Variants in BICD1 observed in about 807,000 individuals in gnomAD.
BICD1 encodes the protein BICD cargo adaptor 1.
A neutral mutation model predicts 92.5 loss-of-function variants in BICD1; 35 were observed. That is an observed-to-expected ratio of 0.38 (90% CI 0.29 to 0.50). The LOEUF (loss-of-function observed/expected upper bound fraction) is 0.50, where lower values mean the gene tolerates loss of function less well. BICD1 is among the 20% of genes least tolerant of loss of function. The pLI is 0.93. For synonymous variants in BICD1, 429 were observed against 465.1 expected (o/e 0.92, Z 1.00); for missense variants, 950 against 1,189.8 (o/e 0.80, Z 2.97).
chr12:32,308,650 G>T (rs1948295089), intron 4 of BICD1, among the ~76,000 whole-genome samples: 1 of 152,180 alleles, frequency 6.6e-6, no homozygotes, highest in Admixed American at 6.6e-5. Flanking sequence ...GACTGATGTG[G>T]ATACTGGTAG....
chr12:32,373,058 C>CCTT (rs1939800423), intron 9 of BICD1, among the ~76,000 whole-genome samples: 1 of 152,030 alleles, frequency 6.6e-6, no homozygotes, highest in African/African-American at 2.4e-5. Flanking sequence ...TTAGCACTTC[C>CCTT]CTTCTATCAA....
intron 2 of BICD1, among the ~76,000 whole-genome samples, chr12:32,287,754 A>C (rs976981030): frequency 2.6e-5 from 4 of 152,038 alleles, no homozygotes; most frequent in Non-Finnish European, 4.4e-5. Flanking sequence ...AGCCAGGATG[A>C]TCTCGATCTC....
At chr12:32,349,807 A>T (rs1002436735) in intron 8 of BICD1, among the ~76,000 whole-genome samples, 1 of 152,196 alleles carries the variant, frequency 6.6e-6, no homozygotes, top group African/African-American at 2.4e-5. Flanking sequence ...GGCAGGAAGG[A>T]GTAGTGATGT....
chr12:32,191,123 A>G (rs1316430745), intron 1 of BICD1, among the ~76,000 whole-genome samples: 1 of 152,186 alleles, frequency 6.6e-6, no homozygotes, highest in Non-Finnish European at 1.5e-5. Context: ...ATAAAGGCCT[A>G]CATTCGGAAG....
chr12:32,184,004 C>T (rs559819884), intron 1 of BICD1, among the ~76,000 whole-genome samples: 2 of 152,298 alleles, frequency 1.3e-5, no homozygotes, highest in East Asian at 3.9e-4. Context: ...CTCAGTAAAC[C>T]TTGTCTCATT....
At chr12:32,199,436 G>A (rs1490483595) in intron 1 of BICD1, among the ~76,000 whole-genome samples, 2 of 152,098 alleles carry the variant, frequency 1.3e-5, no homozygotes, top group African/African-American at 4.8e-5. Flanking sequence ...AGACCAAACT[G>A]AGGGTTGGGC....
rs191220663 is a variant in BICD1 at position 32,331,027 on chromosome 12, G to A, written c.2100+2472G>A. 1.9e-3 allele frequency among the ~76,000 whole-genome samples: 290 copies of A among 152,180 alleles called. 2 individuals carry two copies. Among genetic ancestry groups the A allele is most frequent in the African/African-American group, 6.5e-3 (269 of 41,538 alleles). On this transcript the variant is annotated intron_variant, in intron 5 of 9. Coordinates refer to ENST00000652176, the MANE Select transcript of BICD1 (RefSeq NM_001714.4). The stretch of plus-strand genomic sequence containing the variant: ...CGGGTGCCTGTAATCCCAGCTACTC[G>A]GGAGGCTGAGGCAGGAGAATCACTT...
chr12:32,294,442 C>T (rs970435628), intron 3 of BICD1, among the ~76,000 whole-genome samples: 12 of 151,816 alleles, frequency 7.9e-5, no homozygotes, highest in Admixed American at 4.6e-4. Context: ...ACAAATTTAA[C>T]CTGACAACTT....
Position 32,337,484 on chromosome 12 carries a change from C to T in BICD1, c.2253-15C>T, listed in dbSNP as rs182637716. ...CCAAGATTTTCCTCTGACCACTTCT[C>T]TGTTTTGGTTCCAGATGTGATGAAT... On this transcript the variant is annotated splice_polypyrimidine_tract_variant and intron_variant, in intron 6 of 9. Transcript: ENST00000652176. This position sits in a 1 kb window ranked among gnomAD's most constrained non-coding sequence, Gnocchi z 4.7. The T allele has an allele frequency of 1.3e-6, 2 of 1,593,670 alleles. No individual in the cohort carries two copies. The highest frequency in any genetic ancestry group is 2.7e-5 in the African/African-American group (2 of 74,514).
chr12:32,332,487 T>C, intron 5 of BICD1: 1 of 967,140 alleles, frequency 1.0e-6, no homozygotes, highest in Non-Finnish European at 1.2e-6. Flanking sequence ...AGTAAATGCT[T>C]ATGAAGCACC....
Position 32,337,628 on chromosome 12 carries a change from GGAGGACTTA to G in BICD1, c.2386_2394del (p.Asp796_Glu798del), listed in dbSNP as rs1428019628. ...AAAAACTCGCCCTGACCCAGAGGCT[GGAGGACTTA>G]GAGTTTGACCATGAGCAGTCCCGAC... On this transcript the variant is annotated inframe_deletion, in exon 7 of 10. Coordinates refer to ENST00000652176, the MANE Select transcript of BICD1 (RefSeq NM_001714.4). The surrounding 1 kb of genome is among the most constrained non-coding windows in gnomAD (Gnocchi z 4.7). The G allele has an allele frequency of 2.5e-6, 4 of 1,614,048 alleles. No homozygotes were observed. Among genetic ancestry groups the G allele is most frequent in the Non-Finnish European group, 3.4e-6 (4 of 1,180,044 alleles).
At chr12:32,152,256 C>CT (rs34386503) in intron 1 of BICD1, among the ~76,000 whole-genome samples, 73,257 of 146,018 alleles carry the variant, frequency 0.5, 18,486 homozygotes, top group South Asian at 0.6. Context: ...TTTTTTTTAA[C>CT]TTTTTTTTTT....
intron 2 of BICD1, among the ~76,000 whole-genome samples, chr12:32,275,534 C>T (rs1179934233): frequency 1.3e-5 from 2 of 152,192 alleles, no homozygotes; most frequent in Admixed American, 1.3e-4. Context: ...GGGCAACCCC[C>T]TTTGGGTCCC....
intron 2 of BICD1, among the ~76,000 whole-genome samples, chr12:32,228,733 A>T (rs1945782433): frequency 6.6e-6 from 1 of 152,246 alleles, no homozygotes. Flanking sequence ...ATGAGAAAAG[A>T]ACTCTAGTCT....
intron 2 of BICD1, among the ~76,000 whole-genome samples, chr12:32,265,656 G>A (rs1039839190): frequency 2.0e-5 from 3 of 150,480 alleles, no homozygotes; most frequent in East Asian, 2.0e-4. Flanking sequence ...AAGAGTTCGC[G>A]GTTACAGTGA....
At chr12:32,256,085 C>T (rs1011221918) in intron 2 of BICD1, among the ~76,000 whole-genome samples, 1 of 152,034 alleles carries the variant, frequency 6.6e-6, no homozygotes, top group Non-Finnish European at 1.5e-5. Context: ...TAGGGTCTCA[C>T]TCTGTGGCCC....
At chr12:32,364,435 TACATCCTAAGAC>T (rs1939450935) in intron 8 of BICD1, among the ~76,000 whole-genome samples, 1 of 152,136 alleles carries the variant, frequency 6.6e-6, no homozygotes, top group South Asian at 2.1e-4. Context: ...TTTTACAAAG[TACATCCTAAGAC>T]ACATCCGTGG....
chr12:32,283,820 C>T (rs1217647110), intron 2 of BICD1, among the ~76,000 whole-genome samples: 3 of 152,194 alleles, frequency 2.0e-5, no homozygotes, highest in Non-Finnish European at 4.4e-5. Context: ...TGGGCCTGTC[C>T]CATGGATCTG....
intron 4 of BICD1, among the ~76,000 whole-genome samples, chr12:32,317,393 G>A (rs1330717232): frequency 2.6e-5 from 4 of 152,102 alleles, no homozygotes; most frequent in Middle Eastern, 3.2e-3. Flanking sequence ...TTTAATGATC[G>A]CCATTCTAAC....
Sources: allele counts gnomAD v4.1 joint callset (sites outside exome capture counted in the v4.1 genomes callset), GRCh38; gene constraint gnomAD v4.1.1; non-coding constraint Gnocchi (gnomAD v3.1); transcripts MANE v1.5; gene names NCBI Gene and HGNC (gene_info 2026-07-23, HGNC 2026-07-21).